Variants in KCNT2 observed in about 807,000 individuals in gnomAD.
KCNT2 encodes the protein potassium channel subfamily T member 2.
In KCNT2, 67 loss-of-function variants were observed where a neutral mutation model predicts 153.8. The observed-to-expected ratio is 0.44, with a 90% CI of 0.36 to 0.53. KCNT2 has a LOEUF of 0.53. Among genes scored for constraint, KCNT2 ranks in the 20% least tolerant of loss-of-function variants. The pLI, the probability that KCNT2 is intolerant of heterozygous loss-of-function variation, is 0.00. For synonymous variants in KCNT2, 500 were observed against 458.8 expected (o/e 1.09, Z -1.15); for missense variants, 975 against 1,354.8 (o/e 0.72, Z 4.40).
At chr1:196,367,364 G>A (rs1444854102) in intron 14 of KCNT2, among the ~76,000 whole-genome samples, 1 of 151,974 alleles carries the variant, frequency 6.6e-6, no homozygotes, top group African/African-American at 2.4e-5. Context: ...GTAAAACTTA[G>A]GTGATCTCAG....
At chr1:196,420,066 C>G (rs890575963) in intron 12 of KCNT2, among the ~76,000 whole-genome samples, 1 of 151,922 alleles carries the variant, frequency 6.6e-6, no homozygotes, top group Non-Finnish European at 1.5e-5. Flanking sequence ...TTTAATTCTT[C>G]TTTTACACTA....
chr1:196,307,480 T>C (rs1661743057), intron 21 of KCNT2, among the ~76,000 whole-genome samples: 1 of 152,124 alleles, frequency 6.6e-6, no homozygotes, highest in Non-Finnish European at 1.5e-5. Flanking sequence ...CTTCTCTAGC[T>C]ACCTGGTTGG....
At chr1:196,541,549 T>C (rs995555091) in intron 1 of KCNT2, among the ~76,000 whole-genome samples, 4 of 152,198 alleles carry the variant, frequency 2.6e-5, no homozygotes, top group Non-Finnish European at 5.9e-5. Context: ...TGTCAGAGAA[T>C]GCTTTTAAGT....
chr1:196,429,030 G>A (rs1455884947), intron 9 of KCNT2, among the ~76,000 whole-genome samples: 2 of 143,658 alleles, frequency 1.4e-5, no homozygotes, highest in African/African-American at 5.2e-5. Context: ...TTTTTGTAGA[G>A]ATGGGGTTTT....
intron 1 of KCNT2, among the ~76,000 whole-genome samples, chr1:196,519,826 C>CATA (rs1653109173): frequency 6.6e-6 from 1 of 151,844 alleles, no homozygotes; most frequent in Non-Finnish European, 1.5e-5. Context: ...ACAAAAAAAG[C>CATA]CCAAGACCAG....
intron 19 of KCNT2, among the ~76,000 whole-genome samples, chr1:196,319,889 A>C (rs1336331616): frequency 2.0e-5 from 3 of 151,772 alleles, no homozygotes; most frequent in Admixed American, 2.0e-4. Context: ...CATGCACAGG[A>C]GGCCTTGTAA....
chr1:196,400,606 A>C (rs1026387519), intron 12 of KCNT2, among the ~76,000 whole-genome samples: 1 of 151,702 alleles, frequency 6.6e-6, no homozygotes, highest in African/African-American at 2.4e-5. Flanking sequence ...AAGTAATATC[A>C]TTAAGGATAA....
chr1:196,518,493 AAAAGC>A (rs1652909289), intron 1 of KCNT2, among the ~76,000 whole-genome samples: 3 of 151,894 alleles, frequency 2.0e-5, no homozygotes, highest in Admixed American at 2.0e-4. Flanking sequence ...AAAAAAAAAA[AAAAGC>A]AAGATCCAAT....
At chr1:196,234,999 T>C (rs1654302854) in intron 27 of KCNT2, among the ~76,000 whole-genome samples, 1 of 151,474 alleles carries the variant, frequency 6.6e-6, no homozygotes, top group South Asian at 2.1e-4. Context: ...CCAACAACTG[T>C]CAAAGTGCCT....
chr1:196,469,730 C>T (rs1677925521), intron 5 of KCNT2, among the ~76,000 whole-genome samples: 1 of 151,994 alleles, frequency 6.6e-6, no homozygotes, highest in Admixed American at 6.6e-5. Flanking sequence ...CTTGTGCTGA[C>T]CCTGATATTA....
intron 12 of KCNT2, among the ~76,000 whole-genome samples, chr1:196,419,635 T>C (rs1673038123): frequency 1.3e-5 from 2 of 151,836 alleles, no homozygotes; most frequent in Admixed American, 1.3e-4. Context: ...TCTACTTTCT[T>C]ACTAGACCAA....
chr1:196,560,935 T>C lies in KCNT2; in HGVS notation c.95+47280A>G, dbSNP rs147737023. ...GTATCACATTCCAGTTTAATACTTATTCAGCAATGAAGGTTTCCTTTTTCT... is the reference window on the plus strand; with the variant it reads ...GTATCACATTCCAGTTTAATACTTACTCAGCAATGAAGGTTTCCTTTTTCT... On this transcript the variant is annotated intron_variant, in intron 1 of 27. Transcript: ENST00000294725. 4.4e-3 allele frequency among the ~76,000 whole-genome samples: 664 copies of C among 152,146 alleles called. 3 individuals are homozygous for C. Among genetic ancestry groups the C allele is most frequent in the African/African-American group, 0.015 (606 of 41,536 alleles).
chr1:196,246,327 A>G (rs1411683202), intron 26 of KCNT2, among the ~76,000 whole-genome samples: 10 of 152,302 alleles, frequency 6.6e-5, no homozygotes, highest in African/African-American at 2.2e-4. Context: ...CAGTCAGACA[A>G]ATCTGAGAGA....
In KCNT2 at chr1:196,480,855, C is replaced by CAAAAAAAA. The variant is rs372270510; in HGVS notation, c.324+1468_324+1475dup. 3.3e-4 allele frequency among the ~76,000 whole-genome samples: 9 copies of CAAAAAAAA among 26,896 alleles called. 1 individual carries two copies. The highest frequency in any genetic ancestry group is 3.6e-3 in the East Asian group (2 of 560). The allele number at this position is 26,896 out of a possible 152,430, so 17.6% of individuals were successfully genotyped here. ...TGGGCGACAGAGAGAGACTTCGTCT[C>CAAAAAAAA]AAAAAAAAAAAAAAAAAAAAAAAAA... On this transcript the variant is annotated intron_variant, in intron 4 of 27. Transcript: ENST00000294725.
At chr1:196,449,945 A>G (rs1419595246) in intron 8 of KCNT2, among the ~76,000 whole-genome samples, 6 of 151,842 alleles carry the variant, frequency 4.0e-5, no homozygotes, top group South Asian at 2.1e-4. Context: ...AAAATGTACT[A>G]TAAAAGCTCT....
At chr1:196,380,805 C>A (rs1175123123) in intron 13 of KCNT2, among the ~76,000 whole-genome samples, 1 of 152,066 alleles carries the variant, frequency 6.6e-6, no homozygotes, top group East Asian at 1.9e-4. Context: ...AAAATTGTAT[C>A]TTTTTCTTAT....
intron 1 of KCNT2, among the ~76,000 whole-genome samples, chr1:196,520,421 C>T (rs954945409): frequency 1.3e-5 from 2 of 151,812 alleles, no homozygotes; most frequent in African/African-American, 2.4e-5. Flanking sequence ...TCTCTCACCA[C>T]TCCTATTTAA....
At chr1:196,572,480 G>A (rs1393396431) in intron 1 of KCNT2, among the ~76,000 whole-genome samples, 1 of 152,040 alleles carries the variant, frequency 6.6e-6, no homozygotes, top group East Asian at 1.9e-4. Flanking sequence ...GAGAGAGAGA[G>A]TGCAATGAAG....
At chr1:196,293,331 AAAAAC>A (rs200560576) in intron 22 of KCNT2, among the ~76,000 whole-genome samples, 6 of 152,160 alleles carry the variant, frequency 3.9e-5, no homozygotes, top group African/African-American at 9.6e-5. Context: ...CTTAAGAGAA[AAAAAC>A]AAAACAAAAC....
Sources: gnomAD v4.1 joint callset for allele counts (sites outside exome capture counted in the v4.1 genomes callset) on GRCh38, gnomAD v4.1.1 for gene constraint, MANE v1.5 for transcripts, NCBI Gene and HGNC (gene_info 2026-07-23, HGNC 2026-07-21) for gene names.